NT5DC3: variants seen among roughly 807,000 people sequenced by gnomAD.
The protein encoded by NT5DC3 is 5'-nucleotidase domain containing 3, also known as 5'-nucleotidase domain-containing protein 3.
In NT5DC3, 42 loss-of-function variants were observed where a neutral mutation model predicts 67.8. The observed-to-expected ratio is 0.62, with a 90% CI of 0.48 to 0.80. The LOEUF is 0.80. NT5DC3 is among the 30% of genes least tolerant of loss of function. The pLI is 0.00. For synonymous variants in NT5DC3, 237 were observed against 255.6 expected (o/e 0.93, Z 0.69); for missense variants, 570 against 696.4 (o/e 0.82, Z 2.04).
chr12:103,750,858 A>G, the NT5DC3 span: 6 of 1,187,208 alleles, frequency 5.1e-6, no homozygotes, highest in Non-Finnish European at 6.8e-6. Context: ...TGGGAGGCCA[A>G]GGCAGATGGA....
intron 2 of NT5DC3, among the ~76,000 whole-genome samples, chr12:103,813,748 A>T (rs181762977): frequency 2.5e-4 from 38 of 152,354 alleles, no homozygotes; most frequent in African/African-American, 9.1e-4. Flanking sequence ...GATGAAAAGA[A>T]AAGAGGACAA....
the NT5DC3 span, chr12:103,763,829 C>T: frequency 2.2e-6 from 1 of 458,972 alleles, no homozygotes. Context: ...CTTGAACAAA[C>T]AGAGACAGGC....
At chr12:103,822,465 T>C (rs1436592944) in intron 1 of NT5DC3, among the ~76,000 whole-genome samples, 1 of 152,258 alleles carries the variant, frequency 6.6e-6, no homozygotes, top group Non-Finnish European at 1.5e-5. Flanking sequence ...CAGTTAACAG[T>C]AGATGTCTCA....
intron 13 of NT5DC3, among the ~76,000 whole-genome samples, chr12:103,779,411 T>A (rs1183033535): frequency 1.3e-5 from 2 of 152,224 alleles, no homozygotes; most frequent in Admixed American, 1.3e-4. Context: ...ATATAATCAT[T>A]TACACAGCTG....
At chr12:103,829,621 T>C (rs1015073044) in intron 1 of NT5DC3, among the ~76,000 whole-genome samples, 9 of 152,350 alleles carry the variant, frequency 5.9e-5, no homozygotes, top group Middle Eastern at 3.4e-3. Flanking sequence ...TGATTATTAA[T>C]ATATTTGGAA....
chr12:103,834,121 G>T (rs1182344393), intron 1 of NT5DC3, among the ~76,000 whole-genome samples: 1 of 151,932 alleles, frequency 6.6e-6, no homozygotes, highest in Non-Finnish European at 1.5e-5. Context: ...TGACAAAAAG[G>T]TCTCCAGGCA....
At chr12:103,792,067 T>C (rs2139337277) in intron 9 of NT5DC3, among the ~76,000 whole-genome samples, 2 of 152,316 alleles carry the variant, frequency 1.3e-5, no homozygotes, top group East Asian at 1.9e-4. Flanking sequence ...TAGTGCTTCT[T>C]TCTTTGGAAT....
downstream of NT5DC3, chr12:103,766,482 T>C (rs1344961840): frequency 1.5e-5 from 14 of 919,928 alleles, no homozygotes; most frequent in South Asian, 2.3e-4. Context: ...CTGGGGGTTG[T>C]TTCTGTGGGT....
intron 4 of NT5DC3, among the ~76,000 whole-genome samples, chr12:103,801,663 G>A (rs958722791): frequency 2.6e-5 from 4 of 152,146 alleles, no homozygotes; most frequent in East Asian, 3.9e-4. Flanking sequence ...TTACAGGCAC[G>A]AGCCACAGTG....
chr12:103,785,727 T>C (rs939082018), intron 11 of NT5DC3: 1 of 567,842 alleles, frequency 1.8e-6, no homozygotes, highest in African/African-American at 2.1e-5. Context: ...AAACACTAGG[T>C]CTGGAATCAT....
intron 1 of NT5DC3, among the ~76,000 whole-genome samples, chr12:103,820,169 C>T (rs895661833): frequency 2.6e-5 from 4 of 152,262 alleles, no homozygotes; most frequent in Non-Finnish European, 2.9e-5. Context: ...CATTGGGTTG[C>T]TTCTACCTTC....
chr12:103,831,423 A>T (rs1887918935), intron 1 of NT5DC3, among the ~76,000 whole-genome samples: 1 of 152,160 alleles, frequency 6.6e-6, no homozygotes, highest in African/African-American at 2.4e-5. Flanking sequence ...AAAAGAATGG[A>T]CTCATACAGA....
chr12:103,762,069 C>G, the NT5DC3 span, among the ~76,000 whole-genome samples: 1 of 152,204 alleles, frequency 6.6e-6, no homozygotes, highest in Non-Finnish European at 1.5e-5. Flanking sequence ...TAATAACTCT[C>G]CCTATCTCTT....
chr12:103,840,371 CGCACA>C (rs149259848), intron 1 of NT5DC3, among the ~76,000 whole-genome samples: 4 of 113,064 alleles, frequency 3.5e-5, no homozygotes, highest in African/African-American at 1.2e-4. Flanking sequence ...TTTCAAACAC[CGCACA>C]GCTCATCTCA....
intron 10 of NT5DC3, 103 bp from the exon 11 acceptor site, chr12:103,787,630 A>AAT: frequency 1.8e-6 from 1 of 550,728 alleles, no homozygotes; most frequent in Non-Finnish European, 3.1e-6. Context: ...TTTATAACTT[A>AAT]TTTTAAATAT....
Position 103,788,870 on chromosome 12 carries a change from G to T in NT5DC3, c.1069C>A (p.His357Asn). The T allele has an allele frequency of 6.2e-7, 1 of 1,613,458 alleles. No individual in the cohort carries two copies. Among genetic ancestry groups the T allele is most frequent in the Non-Finnish European group, 8.5e-7 (1 of 1,179,436 alleles). ...EKGVLLWDKIHKLQKGQIYKQ... is the reference protein window; with the variant it reads ...EKGVLLWDKINKLQKGQIYKQ... ...TATATCTGGCCTTTCTGCAACTTAT[G>T]GATTTTATCCCAGAGTAAGACACCT... The change falls in exon 10 of 14, where the codon CAT (histidine) becomes AAT (asparagine). Residue 357 changes from histidine to asparagine, a missense_variant. Transcript: ENST00000392876.
intron 1 of NT5DC3, chr12:103,821,884 T>C (rs1268676585): frequency 6.6e-6 from 1 of 152,236 alleles, no homozygotes; most frequent in African/African-American, 2.4e-5. Context: ...CACTGCTCTG[T>C]GTTCTCCAAC....
At chr12:103,778,839 G>T (rs757725992) in intron 13 of NT5DC3, among the ~76,000 whole-genome samples, 1 of 151,524 alleles carries the variant, frequency 6.6e-6, no homozygotes, top group Non-Finnish European at 1.5e-5. Context: ...AAAACAGCCT[G>T]CCTATCCATC....
chr12:103,773,453 A>G lies in NT5DC3; in HGVS notation c.*4376T>C, dbSNP rs371389511. 1.2e-4 allele frequency: 19 copies of G among 152,338 alleles called. No homozygotes were observed. Among genetic ancestry groups the G allele is most frequent in the African/African-American group, 4.6e-4 (19 of 41,582 alleles). 9.4% of individuals were successfully genotyped at this position (152,338 alleles called of 1,614,324 possible). A position where few individuals can be genotyped will look rare whatever the true frequency, so the allele number is the denominator to read the frequency against. On this transcript the variant is annotated 3_prime_UTR_variant, in exon 14 of 14. Coordinates refer to ENST00000392876, the MANE Select transcript of NT5DC3 (RefSeq NM_001031701.3). ...TAGCTGAACTTTGAGCTAAGCTCCTAAATGACACTAGTAGTGTCAAAGATT... is the reference window on the plus strand; with the variant it reads ...TAGCTGAACTTTGAGCTAAGCTCCTGAATGACACTAGTAGTGTCAAAGATT...
Sources: allele counts gnomAD v4.1 joint callset (sites outside exome capture counted in the v4.1 genomes callset), GRCh38; gene constraint gnomAD v4.1.1; transcripts MANE v1.5; gene names NCBI Gene and HGNC (gene_info 2026-07-23, HGNC 2026-07-21).